CD48: variants seen among roughly 807,000 people sequenced by gnomAD.
CD48 encodes CD48 molecule, also known as CD48 antigen.
A neutral mutation model predicts 22.0 loss-of-function variants in CD48; 20 were observed. That is an observed-to-expected ratio of 0.91 (90% CI 0.64 to 1.32). The LOEUF (loss-of-function observed/expected upper bound fraction) is 1.32. CD48 is among the 40% of genes most tolerant of loss of function. CD48 has a pLI of 0.00. For missense variants in CD48, 307 were observed against 286.5 expected (o/e 1.07, Z -0.52); for synonymous variants, 110 against 110.1 (o/e 1.00, Z 0.01).
At chr1:160,691,256 A>T (rs2102414668) in intron 1 of CD48, among the ~76,000 whole-genome samples, 1 of 152,262 alleles carries the variant, frequency 6.6e-6, no homozygotes, top group South Asian at 2.1e-4. Context: ...TGTCTCTTGC[A>T]GTTGAGACAA....
At chr1:160,710,073 C>T (rs1282747369) in intron 1 of CD48, among the ~76,000 whole-genome samples, 1 of 152,060 alleles carries the variant, frequency 6.6e-6, no homozygotes, top group African/African-American at 2.4e-5. Context: ...TGTACATAAG[C>T]CCAGAGGTAA....
At chr1:160,708,522 G>C (rs1662858024) in intron 1 of CD48, among the ~76,000 whole-genome samples, 1 of 152,156 alleles carries the variant, frequency 6.6e-6, no homozygotes, top group African/African-American at 2.4e-5. Context: ...TAGGTAGCAT[G>C]GGGCTGGATG....
chr1:160,709,874 G>T (rs978820808), intron 1 of CD48, among the ~76,000 whole-genome samples: 2 of 152,170 alleles, frequency 1.3e-5, no homozygotes, highest in Non-Finnish European at 2.9e-5. Flanking sequence ...TCCTCAAAAA[G>T]TTCAAGGAAA....
chr1:160,685,161 G>A lies in CD48; in HGVS notation c.111C>T (p.Ser37=), dbSNP rs149980129. 175 of 1,611,112 alleles carry A rather than the reference G, an allele frequency of 1.1e-4. No homozygotes were observed. The highest frequency in any genetic ancestry group is 5.5e-4 in the African/African-American group (41 of 74,966). The change falls in exon 2 of 4, where the codon TCC becomes TCT. Residue 37 remains serine, a synonymous_variant. Coordinates refer to ENST00000368046, the MANE Select transcript of CD48 (RefSeq NM_001778.4). ...AGATGTTCAGAGTCACGTTGCTGCC[G>A]GAGACCACGGTCATATGTACCAAGT... ...QGHLVHMTVV[S]GSNVTLNISE...
chr1:160,684,981 A>G lies in CD48; in HGVS notation c.291T>C (p.Ser97=). ...TGCTGTTGTCCTCTTTCTGGACCTTAGAGATGTACAGTGCGCCACTCTGAG... is the reference window on the plus strand; with the variant it reads ...TGCTGTTGTCCTCTTTCTGGACCTTGGAGATGTACAGTGCGCCACTCTGAG... The part of the protein sequence containing the change: ...LDPQSGALYI[S]KVQKEDNSTY... Residue 97 remains serine (S), a synonymous_variant, in exon 2 of 4, where the codon TCT becomes TCC. Coordinates refer to ENST00000368046, the MANE Select transcript of CD48 (RefSeq NM_001778.4). 1 of 1,614,078 alleles carries G rather than the reference A, an allele frequency of 6.2e-7. No homozygotes were observed. The highest frequency in any genetic ancestry group is 8.5e-7 in the Non-Finnish European group (1 of 1,179,934).
At chr1:160,679,169 T>C (rs1661711217) in intron 3 of CD48, 38 bp from the exon 4 acceptor site, 1 of 1,517,744 alleles carries the variant, frequency 6.6e-7, no homozygotes, top group African/African-American at 1.4e-5. Context: ...TTAGGTATCT[T>C]TATCTTGACT....
chr1:160,680,594 G>A (rs1661756867), intron 3 of CD48: 1 of 1,000,586 alleles, frequency 1.0e-6, no homozygotes, highest in South Asian at 4.2e-5. Context: ...TCTAGAGCCA[G>A]GTGTGACACT....
intron 2 of CD48, among the ~76,000 whole-genome samples, chr1:160,682,169 CG>C (rs1478205774): frequency 6.6e-6 from 1 of 151,920 alleles, no homozygotes; most frequent in Non-Finnish European, 1.5e-5. Flanking sequence ...AAAACACAGC[CG>C]GGTGCAGCGG....
intron 1 of CD48, among the ~76,000 whole-genome samples, chr1:160,688,882 A>AT (rs1295393915): frequency 6.6e-6 from 1 of 152,180 alleles, no homozygotes; most frequent in Non-Finnish European, 1.5e-5. Context: ...AGGAGCAATT[A>AT]TTTTTTAAAT....
At chr1:160,683,062 A>G (rs545249467) in intron 2 of CD48, among the ~76,000 whole-genome samples, 2 of 152,358 alleles carry the variant, frequency 1.3e-5, no homozygotes, top group East Asian at 3.9e-4. Flanking sequence ...CTGATCTCAG[A>G]TCGCTAAAAG....
chr1:160,686,230 T>C (rs979580995), intron 1 of CD48, among the ~76,000 whole-genome samples: 1 of 152,100 alleles, frequency 6.6e-6, no homozygotes, highest in African/African-American at 2.4e-5. Flanking sequence ...GGGATTCCAG[T>C]GTCTATGGCT....
intron 1 of CD48, among the ~76,000 whole-genome samples, chr1:160,698,292 T>C (rs1399856418): frequency 6.6e-6 from 1 of 152,206 alleles, no homozygotes; most frequent in African/African-American, 2.4e-5. Flanking sequence ...AGAGAAGGCA[T>C]GTGGATCCCT....
intron 1 of CD48, among the ~76,000 whole-genome samples, chr1:160,690,415 C>G (rs1349699227): frequency 6.6e-6 from 1 of 152,170 alleles, no homozygotes; most frequent in Non-Finnish European, 1.5e-5. Flanking sequence ...GGCTTAACAC[C>G]AGGTTCCTGA....
intron 1 of CD48, among the ~76,000 whole-genome samples, chr1:160,700,976 A>T (rs914164127): frequency 6.6e-6 from 1 of 152,028 alleles, no homozygotes; most frequent in Non-Finnish European, 1.5e-5. Flanking sequence ...TATCATCAAT[A>T]TAATGATGAA....
intron 1 of CD48, among the ~76,000 whole-genome samples, chr1:160,698,800 A>C (rs1169132236): frequency 6.6e-6 from 1 of 152,150 alleles, no homozygotes; most frequent in African/African-American, 2.4e-5. Flanking sequence ...AAGCATCAAA[A>C]GCCCATTTAA....
chr1:160,699,090 ATAGAAAGAAG>A, intron 1 of CD48: 1 of 152,252 alleles, frequency 6.6e-6, no homozygotes, highest in East Asian at 1.9e-4. Flanking sequence ...CTGTGTCTGT[ATAGAAAGAAG>A]TAGACATAGG....
chr1:160,678,796 C>A lies in CD48; in HGVS notation c.*256G>T. The A allele has an allele frequency of 5.9e-6, 2 of 340,068 alleles. No homozygotes were observed. Among genetic ancestry groups the A allele is most frequent in the Non-Finnish European group, 5.3e-6 (1 of 187,844 alleles). 21.1% of individuals were successfully genotyped at this position (340,068 alleles called of 1,614,324 possible). Reference sequence around the variant, plus strand: ...ATGTTTATTTTAAAAAATAATAAAACATTCACATAATGTTGTCACAATTTT... The same window carrying A: ...ATGTTTATTTTAAAAAATAATAAAAAATTCACATAATGTTGTCACAATTTT... On this transcript the variant is annotated 3_prime_UTR_variant, in exon 4 of 4. Coordinates refer to ENST00000368046, the MANE Select transcript of CD48 (RefSeq NM_001778.4).
chr1:160,698,443 G>C (rs951215594), intron 1 of CD48, among the ~76,000 whole-genome samples: 2 of 152,068 alleles, frequency 1.3e-5, no homozygotes. Context: ...TCACAGCTAC[G>C]GCTGCTGTGG....
chr1:160,704,535 C>T (rs1035121030), intron 1 of CD48, among the ~76,000 whole-genome samples: 1 of 152,176 alleles, frequency 6.6e-6, no homozygotes. Flanking sequence ...ATGTTGCAAT[C>T]GGGCTGCAGG....
Sources: gnomAD v4.1 joint callset for allele counts (sites outside exome capture counted in the v4.1 genomes callset) on GRCh38, gnomAD v4.1.1 for gene constraint, MANE v1.5 for transcripts, NCBI Gene and HGNC (gene_info 2026-07-23, HGNC 2026-07-21) for gene names.